GUCY2D: variants seen among roughly 807,000 people sequenced by gnomAD.
The protein encoded by GUCY2D is retinal guanylyl cyclase 1.
Under a neutral mutation model 101.3 loss-of-function variants are expected in GUCY2D, and 70 were observed. That is an observed-to-expected ratio of 0.69 (90% CI 0.57 to 0.84). GUCY2D has a LOEUF of 0.84. GUCY2D is among the 40% of genes least tolerant of loss of function. GUCY2D has a pLI of 0.00. For synonymous variants in GUCY2D, 688 were observed against 670.7 expected, an observed-to-expected ratio of 1.03 and a Z score of -0.40; for missense variants, 1,460 against 1,542.5, an observed-to-expected ratio of 0.95 and a Z score of 0.90.
intron 8 of GUCY2D, 78 bp from the exon 9 acceptor site, chr17:8,012,066 C>T (rs1207918865): frequency 3.8e-6 from 4 of 1,040,348 alleles, no homozygotes. Context: ...TCTGGATACT[C>T]AAAAACAGAT....
In GUCY2D at chr17:8,011,294, G is replaced by A. The variant is rs746883969; in HGVS notation, c.1750-850G>A. On this transcript the variant is annotated intron_variant, in intron 8 of 19. Transcript: ENST00000254854. This position sits in a 1 kb window ranked among gnomAD's most constrained non-coding sequence, Gnocchi z 4.3. ...TTCGGGAGGCTGAGACGGGAGAATCGCTTGAGCTCAGGATGCGGAGGTTGC... is the reference window on the plus strand; with the variant it reads ...TTCGGGAGGCTGAGACGGGAGAATCACTTGAGCTCAGGATGCGGAGGTTGC... Among the ~76,000 whole-genome samples, 4 of 151,772 alleles carry A rather than the reference G, an allele frequency of 2.6e-5. No homozygotes were observed. Among genetic ancestry groups the A allele is most frequent in the Non-Finnish European group, 5.9e-5 (4 of 67,946 alleles).
intron 3 of GUCY2D, 125 bp from the exon 4 acceptor site, chr17:8,006,238 G>A (rs941713311): frequency 5.3e-6 from 4 of 749,536 alleles, no homozygotes; most frequent in Non-Finnish European, 9.4e-6. Context: ...AATGGGGAGG[G>A]ATCCTGGGAA....
chr17:8,019,327 A>G (rs1213706448), intron 19 of GUCY2D, among the ~76,000 whole-genome samples: 1 of 152,206 alleles, frequency 6.6e-6, no homozygotes, highest in African/African-American at 2.4e-5. Context: ...GGAAGAGTCC[A>G]GGATTAGGTG....
intron 3 of GUCY2D, among the ~76,000 whole-genome samples, chr17:8,005,092 G>A (rs1975713553): frequency 6.6e-6 from 1 of 152,124 alleles, no homozygotes; most frequent in Non-Finnish European, 1.5e-5. Context: ...AACTGCGCAA[G>A]CCTCTGAGCG....
rs1975900305 is a variant in GUCY2D, at chr17:8,013,608, A to ACCTATC, written c.2264-268_2264-263dup. ...AGGACTCTGAGCAAACTACTTGATC[A>ACCTATC]CCTATCCCTCACTTGTCTTACATAC... On this transcript the variant is annotated intron_variant, in intron 11 of 19. Transcript: ENST00000254854. The surrounding 1 kb of genome is among the most constrained non-coding windows in gnomAD (Gnocchi z 5.0). 1 of 581,648 alleles carries ACCTATC rather than the reference A, an allele frequency of 1.7e-6. No individual in the cohort carries two copies. The highest frequency in any genetic ancestry group is 3.1e-6 in the Non-Finnish European group (1 of 325,602). 36.0% of individuals were successfully genotyped at this position (581,648 alleles called of 1,614,324 possible).
In GUCY2D at chr17:8,014,332, G is replaced by C; in HGVS notation, c.2413-269G>C. On this transcript the variant is annotated intron_variant, in intron 12 of 19. Coordinates refer to ENST00000254854, the MANE Select transcript of GUCY2D (RefSeq NM_000180.4). The surrounding 1 kb of genome is among the most constrained non-coding windows in gnomAD (Gnocchi z 4.0). ...TGACAGAAAGACCCTTGGCCTGGGAGCCCAACGATTGGGCTGGCTCCAGTG... is the reference window on the plus strand; with the variant it reads ...TGACAGAAAGACCCTTGGCCTGGGACCCCAACGATTGGGCTGGCTCCAGTG... The C allele has an allele frequency of 3.3e-6, 2 of 601,938 alleles. No homozygotes were observed. Among genetic ancestry groups the C allele is most frequent in the Admixed American group, 5.6e-5 (2 of 35,588 alleles). 37.3% of individuals were successfully genotyped at this position (601,938 alleles called of 1,614,324 possible).
rs61750160 is a variant in GUCY2D at position 8,012,450 on chromosome 17, G to A, written c.1957G>A (p.Gly653Arg). The change falls in exon 10 of 20, where the codon GGA becomes AGA. Residue 653 changes from glycine to arginine, a missense_variant and splice_region_variant. Transcript: ENST00000254854. The stretch of plus-strand genomic sequence containing the variant: ...TGCCTCTTACCCTACCCATTCCAAG[G>A]GAATAAGGTATCTGCACCATCGAGG... ...KSSLLLDLIK[G>R]IRYLHHRGVA... The A allele has an allele frequency of 6.2e-7, 1 of 1,613,992 alleles. No individual in the cohort carries two copies.
At chr17:8,009,201 G>A (rs541807865) in intron 7 of GUCY2D, among the ~76,000 whole-genome samples, 9 of 152,334 alleles carry the variant, frequency 5.9e-5, no homozygotes, top group Admixed American at 1.3e-4. Context: ...GGTAATGAGG[G>A]TTGTGATGTC....
intron 19 of GUCY2D, chr17:8,016,786 G>A (rs2151804398): frequency 1.8e-6 from 1 of 541,628 alleles, no homozygotes; most frequent in East Asian, 3.2e-5. Context: ...GGCCTTCTGT[G>A]GCCCCTCCCC....
chr17:8,015,778 C>T lies in GUCY2D; in HGVS notation c.2980C>T (p.Pro994Ser), dbSNP rs1238460262. The T allele has an allele frequency of 6.2e-7, 1 of 1,612,028 alleles. No homozygotes were observed. The highest frequency in any genetic ancestry group is 8.5e-7 in the Non-Finnish European group (1 of 1,179,482). Reference sequence around the variant, plus strand: ...GGCAGGCGTGGTGGGCCTCACCATGCCGCGGTACTGCCTGTTTGGGGACAC... The same window carrying T: ...GGCAGGCGTGGTGGGCCTCACCATGTCGCGGTACTGCCTGTTTGGGGACAC... Reference protein sequence around the residue: ...CVAGVVGLTMPRYCLFGDTVN... With the variant: ...CVAGVVGLTMSRYCLFGDTVN... Residue 994 changes from proline (P) to serine (S), a missense_variant, in exon 16 of 20, where the codon CCG becomes TCG. Pro to Ser is a moderately conservative substitution (Grantham distance 74, BLOSUM62 -1). This residue lies in a region of GUCY2D where 215 missense variants were observed against 227.9 expected (regional missense o/e 0.94). Transcript: ENST00000254854.
chr17:8,016,178 G>GTCC (rs1485295183), intron 17 of GUCY2D, 27 bp from the exon 18 acceptor site: 2 of 1,506,630 alleles, frequency 1.3e-6, no homozygotes, highest in Admixed American at 1.9e-5. Context: ...GTCCGCCTAA[G>GTCC]TCCTTCCCTC....
intron 19 of GUCY2D, 75 bp downstream of exon 19, chr17:8,016,629 T>A: frequency 2.7e-6 from 2 of 753,672 alleles, no homozygotes; most frequent in Admixed American, 4.4e-5. Flanking sequence ...CCAAGCCAGG[T>A]GTCCCGATCC....
In GUCY2D at chr17:8,003,605, G is replaced by T; in HGVS notation, c.558G>T (p.Leu186=). The stretch of plus-strand genomic sequence containing the variant: ...CATTCGGCTGGGCGCGCGTGGCCCT[G>T]GTCACCGCCCCCCAGGACCTGTGGG... ...LRAFGWARVA[L]VTAPQDLWVE... is the part of the protein sequence containing the mutation. Residue 186 remains leucine (L), a synonymous_variant, in exon 2 of 20, where the codon CTG becomes CTT. Coordinates refer to ENST00000254854, the MANE Select transcript of GUCY2D (RefSeq NM_000180.4). 6.3e-7 allele frequency: 1 copy of T among 1,589,068 alleles called. No homozygotes were observed. Among genetic ancestry groups the T allele is most frequent in the Non-Finnish European group, 8.5e-7 (1 of 1,173,986 alleles).
chr17:8,016,336 G>A (rs1203606313), intron 18 of GUCY2D, 46 bp downstream of exon 18: 1 of 1,462,240 alleles, frequency 6.8e-7, no homozygotes. Flanking sequence ...AGGGACCCCT[G>A]CCTCCTGCTC....
At chr17:8,009,641 C>G (rs1975812403) in intron 8 of GUCY2D, 55 bp downstream of exon 8, 2 of 1,165,134 alleles carry the variant, frequency 1.7e-6, no homozygotes, top group Admixed American at 3.4e-5. Context: ...TCCCTCCTTG[C>G]CTTCTCTTTG....
chr17:8,007,171 A>C, intron 5 of GUCY2D, 27 bp downstream of exon 5: 2 of 1,525,128 alleles, frequency 1.3e-6, no homozygotes, highest in Non-Finnish European at 1.8e-6. Context: ...GGTAAGTAGG[A>C]AGTGAGCTTG....
rs1393916458 is a variant in GUCY2D at position 8,013,293 on chromosome 17, C to T, written c.2263+41C>T. ...GCGTGGAGTTCGGCCCACAGGGGCA[C>T]CCTGCAGTTAGAAAAGAGCCAGCCT... On this transcript the variant is annotated intron_variant, in intron 11 of 19. Coordinates refer to ENST00000254854, the MANE Select transcript of GUCY2D (RefSeq NM_000180.4). The surrounding 1 kb of genome is among the most constrained non-coding windows in gnomAD (Gnocchi z 5.0). The T allele has an allele frequency of 6.2e-7, 1 of 1,602,700 alleles. No homozygotes were observed. The highest frequency in any genetic ancestry group is 1.1e-5 in the South Asian group (1 of 90,498).
rs569402782 is a variant in GUCY2D, at chr17:8,016,507, G to A, written c.3289G>A (p.Ala1097Thr). ...CGAGCGGCGACGGAAGCTGGAGAAGGCGCGGCCGGGCCAGTTCTCTTGAGA... is the reference window on the plus strand; with the variant it reads ...CGAGCGGCGACGGAAGCTGGAGAAGACGCGGCCGGGCCAGTTCTCTTGAGA... ...PPERRRKLEK[A>T]RPGQFS Residue 1097 changes from alanine to threonine, a missense_variant, in exon 19 of 20, where the codon GCG becomes ACG. By Grantham distance (58) the Ala-to-Thr change is moderately conservative (BLOSUM62 0). This residue lies in a region of GUCY2D where 215 missense variants were observed against 227.9 expected (regional missense o/e 0.94). Transcript: ENST00000254854. 1.3e-5 allele frequency: 21 copies of A among 1,573,514 alleles called. No individual in the cohort carries two copies. The South Asian group carries it at 2.1e-4, about 16-fold the overall frequency.
At chr17:8,019,549 C>T (rs1166671803) in intron 19 of GUCY2D, among the ~76,000 whole-genome samples, 1 of 152,186 alleles carries the variant, frequency 6.6e-6, no homozygotes, top group African/African-American at 2.4e-5. Context: ...GCTAGAAGAA[C>T]TTGGGGAACC....
Sources: gnomAD v4.1 joint callset for allele counts (sites outside exome capture counted in the v4.1 genomes callset) on GRCh38, gnomAD v4.1.1 for gene constraint, gnomAD v4.1.1 regional missense constraint, Gnocchi (gnomAD v3.1) non-coding constraint, MANE v1.5 for transcripts, NCBI Gene and HGNC (gene_info 2026-07-23, HGNC 2026-07-21) for gene names.